CSMD1: variants seen among roughly 807,000 people sequenced by gnomAD.
CSMD1 encodes CUB and Sushi multiple domains 1.
CSMD1 carries 213 observed loss-of-function variants against 417.5 expected under a neutral mutation model. That is an observed-to-expected ratio of 0.51 (90% CI 0.46 to 0.57). The LOEUF is 0.57. Ranked by LOEUF, CSMD1 falls within the 20% of genes least tolerant of loss-of-function variation. The pLI is 0.00. For missense variants in CSMD1, 6,923 were observed against 4,529.7 expected (o/e 1.53, Z -15.17); for synonymous variants, 2,862 against 1,736.8 (o/e 1.65, Z -16.11).
intron 2 of CSMD1, among the ~76,000 whole-genome samples, chr8:4,462,639 C>A (rs1799905155): frequency 6.6e-6 from 1 of 152,180 alleles, no homozygotes; most frequent in Non-Finnish European, 1.5e-5. Flanking sequence ...GCATTAGACA[C>A]ATGGATTAAT....
intron 25 of CSMD1, among the ~76,000 whole-genome samples, chr8:3,290,687 C>G (rs1425460277): frequency 4.1e-5 from 6 of 147,340 alleles, no homozygotes; most frequent in Admixed American, 1.3e-4. Context: ...TATCCTGAGA[C>G]TTTGCTGAAG....
intron 7 of CSMD1, among the ~76,000 whole-genome samples, chr8:3,668,583 C>G (rs943767875): frequency 1.3e-5 from 2 of 152,178 alleles, no homozygotes; most frequent in Non-Finnish European, 2.9e-5. Flanking sequence ...CTGGTCCTTA[C>G]TACAGAAAAT....
chr8:4,048,218 G>A (rs920671634), intron 3 of CSMD1, among the ~76,000 whole-genome samples: 10 of 152,088 alleles, frequency 6.6e-5, no homozygotes, highest in African/African-American at 1.9e-4. Flanking sequence ...ATAACATACC[G>A]TTCTTTGTTA....
chr8:4,469,041 T>C (rs190047576), intron 2 of CSMD1, among the ~76,000 whole-genome samples: 10 of 152,320 alleles, frequency 6.6e-5, no homozygotes, highest in Admixed American at 6.5e-5. Context: ...CTATACTCTC[T>C]AAATGAAATT....
chr8:3,264,399 C>A (rs1585850357), intron 26 of CSMD1, among the ~76,000 whole-genome samples: 1 of 152,076 alleles, frequency 6.6e-6, no homozygotes, highest in Non-Finnish European at 1.5e-5. Flanking sequence ...AGTCAAAATT[C>A]CACTCGCTAT....
chr8:4,508,038 T>C (rs1474226558), intron 2 of CSMD1, among the ~76,000 whole-genome samples: 2 of 145,698 alleles, frequency 1.4e-5, no homozygotes, highest in African/African-American at 5.1e-5. Flanking sequence ...ATTAAAATTG[T>C]CCCTATTAAA....
At chr8:3,704,780 C>G (rs1563291100) in intron 7 of CSMD1, 1 of 152,230 alleles carries the variant, frequency 6.6e-6, no homozygotes, top group African/African-American at 2.4e-5. Flanking sequence ...TTTCCTGAGG[C>G]TGTCAGGGAA....
intron 50 of CSMD1, among the ~76,000 whole-genome samples, chr8:3,047,557 G>A (rs1276340828): frequency 6.6e-6 from 1 of 152,160 alleles, no homozygotes; most frequent in Non-Finnish European, 1.5e-5. Context: ...GCCTCGCTGT[G>A]CCCATGGAAC....
rs148519474 is a variant in CSMD1 at position 4,889,503 on chromosome 8, G to C, written c.85+104829C>G. 5.5e-3 allele frequency among the ~76,000 whole-genome samples: 843 copies of C among 152,036 alleles called. 18 individuals carry two copies. Among genetic ancestry groups the C allele is most frequent in the African/African-American group, 0.019 (805 of 41,416 alleles). On this transcript the variant is annotated intron_variant, in intron 1 of 69. Transcript: ENST00000635120. ...TTATTTTCCTTGCTTATATCCTTGT[G>C]ATATGTTTATCATTACAGGAAGTTG... is the stretch of plus-strand genomic sequence containing the variant.
At chr8:3,233,949 C>T (rs1799002321) in intron 26 of CSMD1, among the ~76,000 whole-genome samples, 1 of 152,148 alleles carries the variant, frequency 6.6e-6, no homozygotes, top group African/African-American at 2.4e-5. Flanking sequence ...ATCCCGCCGG[C>T]GGTTGTGAGT....
rs1348942496 is a variant in CSMD1, at chr8:3,347,970, T to G, written c.3474+22A>C. 6 of 1,532,222 alleles carry G rather than the reference T, an allele frequency of 3.9e-6. No individual in the cohort carries two copies. The Admixed American group carries it at 1.1e-4, about 29-fold the overall frequency. The allele number at this position is 1,532,222 out of a possible 1,614,324, so 94.9% of individuals were successfully genotyped here. On this transcript the variant is annotated intron_variant, in intron 22 of 69. Transcript: ENST00000635120. ...TTGAGAAGAAAACTTGGAGTCATCA[T>G]GTTGGAGAAGATTCTTTTTACCTTT...
chr8:4,120,482 A>G (rs1409303972), intron 3 of CSMD1, among the ~76,000 whole-genome samples: 1 of 152,156 alleles, frequency 6.6e-6, no homozygotes, highest in Non-Finnish European at 1.5e-5. Flanking sequence ...CACAAATGCT[A>G]GAAGAAGAAC....
intron 5 of CSMD1, among the ~76,000 whole-genome samples, chr8:3,787,120 G>T (rs1799494868): frequency 6.6e-6 from 1 of 152,088 alleles, no homozygotes; most frequent in South Asian, 2.1e-4. Flanking sequence ...CATAACTCAA[G>T]AGGAAGGGTA....
chr8:4,019,965 C>G (rs1796708664), intron 4 of CSMD1, among the ~76,000 whole-genome samples: 1 of 150,696 alleles, frequency 6.6e-6, no homozygotes, highest in African/African-American at 2.4e-5. Context: ...TATTGAGATC[C>G]TGTAGCTTAC....
chr8:3,620,353 G>C (rs973171210), intron 7 of CSMD1, among the ~76,000 whole-genome samples: 2 of 151,540 alleles, frequency 1.3e-5, no homozygotes, highest in African/African-American at 4.9e-5. Context: ...AGGGTCCCTA[G>C]TACAGGTAAA....
intron 2 of CSMD1, among the ~76,000 whole-genome samples, chr8:4,594,217 T>TTTTTTTTC (rs1800141426): frequency 1.4e-5 from 2 of 146,558 alleles, no homozygotes; most frequent in African/African-American, 5.2e-5. Context: ...TTTTTTTTTT[T>TTTTTTTTC]CTCTGAGACG....
intron 25 of CSMD1, among the ~76,000 whole-genome samples, chr8:3,306,526 G>C (rs1804860622): frequency 6.6e-6 from 1 of 152,158 alleles, no homozygotes; most frequent in Admixed American, 6.5e-5. Context: ...TGAAGCAGCT[G>C]GGCTGATTCA....
intron 1 of CSMD1, among the ~76,000 whole-genome samples, chr8:4,757,132 G>T (rs1239311206): frequency 6.6e-6 from 1 of 152,244 alleles, no homozygotes. Context: ...CATTAGTACT[G>T]AGAATAGATG....
At chr8:3,049,126 G>T (rs1811649741) in intron 50 of CSMD1, among the ~76,000 whole-genome samples, 1 of 152,160 alleles carries the variant, frequency 6.6e-6, no homozygotes, top group Non-Finnish European at 1.5e-5. Context: ...CTCACTCATT[G>T]CTGGTGGGAA....
Sources: gnomAD v4.1 joint callset for allele counts (sites outside exome capture counted in the v4.1 genomes callset) on GRCh38, gnomAD v4.1.1 for gene constraint, MANE v1.5 for transcripts, NCBI Gene and HGNC (gene_info 2026-07-23, HGNC 2026-07-21) for gene names.